ABI2: variants seen among roughly 807,000 people sequenced by gnomAD.
The protein encoded by ABI2 is abelson interactor 2.
ABI2 carries 25 observed loss-of-function variants against 59.2 expected under a neutral mutation model. The ratio of observed to expected loss-of-function variants is 0.42; its 90% CI spans 0.31 to 0.59. ABI2 has a LOEUF of 0.59. Ranked by LOEUF, ABI2 falls within the 20% of genes least tolerant of loss-of-function variation. ABI2 has a pLI of 0.14. For synonymous variants in ABI2, 213 were observed against 235.5 expected (o/e 0.90, Z 0.87); for missense variants, 545 against 681.8 (o/e 0.80, Z 2.23).
At chr2:203,337,803 G>T (rs1332560209) in intron 1 of ABI2, among the ~76,000 whole-genome samples, 1 of 152,186 alleles carries the variant, frequency 6.6e-6, no homozygotes, top group Non-Finnish European at 1.5e-5. Flanking sequence ...GGCCTAGGTA[G>T]CCAGATCACC....
At chr2:203,389,044 T>TA (rs1265105188) in intron 4 of ABI2, among the ~76,000 whole-genome samples, 1 of 152,164 alleles carries the variant, frequency 6.6e-6, no homozygotes, top group Non-Finnish European at 1.5e-5. Flanking sequence ...GTTACCACTT[T>TA]AAAAAAATCT....
At chr2:203,393,900 C>T (rs1045758227) in intron 5 of ABI2, among the ~76,000 whole-genome samples, 2 of 151,668 alleles carry the variant, frequency 1.3e-5, no homozygotes, top group East Asian at 3.9e-4. Flanking sequence ...GCATCCTGTT[C>T]CCTGTCATAT....
chr2:203,367,214 A>G (rs914996956), intron 2 of ABI2, 170 bp downstream of exon 2: 3 of 884,962 alleles, frequency 3.4e-6, no homozygotes, highest in Admixed American at 4.0e-5. Context: ...TGGGATGGTT[A>G]TCTTCTCTGT....
intron 1 of ABI2, among the ~76,000 whole-genome samples, chr2:203,331,071 C>T (rs1246564594): frequency 1.3e-5 from 2 of 152,052 alleles, no homozygotes; most frequent in African/African-American, 4.8e-5. Flanking sequence ...TAGTTTATTT[C>T]TTCAGTTTAG....
At chr2:203,409,114 A>C (rs546212378) in intron 9 of ABI2, among the ~76,000 whole-genome samples, 4 of 152,144 alleles carry the variant, frequency 2.6e-5, no homozygotes, top group Non-Finnish European at 5.9e-5. Context: ...CTGGGATTAC[A>C]GGCGTGAGCC....
chr2:203,348,726 C>T (rs952811022), intron 1 of ABI2, among the ~76,000 whole-genome samples: 2 of 152,020 alleles, frequency 1.3e-5, no homozygotes, highest in African/African-American at 2.4e-5. Flanking sequence ...AGAGATTTCT[C>T]ATGTATTTTC....
intron 9 of ABI2, among the ~76,000 whole-genome samples, chr2:203,407,433 CAG>C (rs1209019585): frequency 6.6e-6 from 1 of 152,132 alleles, no homozygotes; most frequent in African/African-American, 2.4e-5. Context: ...CTAATATTCT[CAG>C]AGTATTTATA....
chr2:203,328,826 T>G (rs1458627833), intron 1 of ABI2, 195 bp downstream of exon 1: 4 of 381,422 alleles, frequency 1.0e-5, no homozygotes, highest in Non-Finnish European at 1.4e-5. Context: ...TAAAAACCTT[T>G]AAAAAAGCGG....
chr2:203,371,289 G>A (rs2095157147), intron 2 of ABI2, among the ~76,000 whole-genome samples: 1 of 152,138 alleles, frequency 6.6e-6, no homozygotes, highest in Non-Finnish European at 1.5e-5. Context: ...ATTGTAATCC[G>A]AGGATGGGAA....
chr2:203,367,320 C>T (rs573151364), intron 2 of ABI2: 106 of 188,090 alleles, frequency 5.6e-4, no homozygotes, highest in Non-Finnish European at 8.6e-4. Context: ...TCCATTCCCC[C>T]GCCTTTTTTT....
intron 10 of ABI2, 62 bp downstream of exon 10, chr2:203,411,433 T>C: frequency 7.9e-7 from 1 of 1,271,416 alleles, no homozygotes; most frequent in Non-Finnish European, 1.1e-6. Flanking sequence ...CATTTATATG[T>C]GATTGACTGG....
intron 1 of ABI2, among the ~76,000 whole-genome samples, chr2:203,353,986 C>T (rs981861883): frequency 6.6e-6 from 1 of 152,118 alleles, no homozygotes; most frequent in African/African-American, 2.4e-5. Context: ...TTCATTGTAT[C>T]CATTATATCT....
chr2:203,373,845 A>C (rs2095489385), intron 2 of ABI2, among the ~76,000 whole-genome samples: 1 of 152,186 alleles, frequency 6.6e-6, no homozygotes, highest in African/African-American at 2.4e-5. Flanking sequence ...GAACTCAACA[A>C]GTAGGGTAGC....
Position 203,328,557 on chromosome 2 carries a change from G to A in ABI2, c.43G>A (p.Gly15Ser). ...GCTGCTGGAAGAGGAAATCCCGGGG[G>A]GCCGCCGGGCCCTCTTCGACAGCTA... ...QMLLEEEIPG[G>S]RRALFDSYTN... Residue 15 changes from glycine to serine, a missense_variant, in exon 1 of 12, where the codon GGC (glycine) becomes AGC (serine). This residue lies in a region of ABI2 where 55 missense variants were observed against 59.7 expected (regional missense o/e 0.92). Coordinates refer to ENST00000261018, the MANE Select transcript of ABI2 (RefSeq NM_001375670.1). 2 of 1,605,574 alleles carry A rather than the reference G, an allele frequency of 1.2e-6. No homozygotes were observed. Among genetic ancestry groups the A allele is most frequent in the African/African-American group, 1.4e-5 (1 of 73,646 alleles).
chr2:203,426,378 A>G (rs1019001110), intron 11 of ABI2, among the ~76,000 whole-genome samples: 4 of 152,210 alleles, frequency 2.6e-5, no homozygotes, highest in Non-Finnish European at 4.4e-5. Context: ...TGAAATTGAT[A>G]TAATACTTGG....
At chr2:203,400,052 T>A (rs1297714994) in intron 8 of ABI2, among the ~76,000 whole-genome samples, 1 of 149,004 alleles carries the variant, frequency 6.7e-6, no homozygotes, top group Non-Finnish European at 1.5e-5. Flanking sequence ...AAATGGTAAA[T>A]CGACTCATTA....
intron 1 of ABI2, among the ~76,000 whole-genome samples, chr2:203,330,762 TTC>T (rs1575432645): frequency 6.6e-6 from 1 of 152,188 alleles, no homozygotes; most frequent in Admixed American, 6.6e-5. Flanking sequence ...ATAAACAGAT[TTC>T]TCTCTCTTTT....
rs1350473738 is a variant in ABI2, at chr2:203,416,966, C to T, written c.1338C>T (p.Pro446=). Residue 446 remains proline, a synonymous_variant, in exon 11 of 12, where the codon CCC becomes CCT. Coordinates refer to ENST00000261018, the MANE Select transcript of ABI2 (RefSeq NM_001375670.1). ...PVEEPVFDES[P]PPPPPPEDYE... ...AAGAACCAGTCTTTGATGAGTCTCCCCCACCTCCTCCTCCTCCAGAAGATT... is the reference window on the plus strand; with the variant it reads ...AAGAACCAGTCTTTGATGAGTCTCCTCCACCTCCTCCTCCTCCAGAAGATT... 1.2e-6 allele frequency: 2 copies of T among 1,613,970 alleles called. No homozygotes were observed. Among genetic ancestry groups the T allele is most frequent in the East Asian group, 2.2e-5 (1 of 44,880 alleles).
intron 9 of ABI2, among the ~76,000 whole-genome samples, chr2:203,411,024 CG>C (rs1484852206): frequency 1.3e-5 from 2 of 150,800 alleles, no homozygotes; most frequent in African/African-American, 4.9e-5. Context: ...ATAAAACATA[CG>C]ATTATGTTAT....
Sources: gnomAD v4.1 joint callset for allele counts (sites outside exome capture counted in the v4.1 genomes callset) on GRCh38, gnomAD v4.1.1 for gene constraint, gnomAD v4.1.1 regional missense constraint, MANE v1.5 for transcripts, NCBI Gene and HGNC (gene_info 2026-07-23, HGNC 2026-07-21) for gene names.